CDK14: variants seen among roughly 807,000 people sequenced by gnomAD.
The protein encoded by CDK14 is cyclin dependent kinase 14.
A neutral mutation model predicts 60.7 loss-of-function variants in CDK14; 34 were observed. The observed-to-expected ratio is 0.56, with a 90% confidence interval of 0.43 to 0.75. The LOEUF is 0.75. Ranked by LOEUF, CDK14 falls within the 30% of genes least tolerant of loss-of-function variation. The pLI is 0.00. For missense variants in CDK14, 482 were observed against 564.1 expected (o/e 0.85, Z 1.47); for synonymous variants, 197 against 203.7 (o/e 0.97, Z 0.28).
chr7:90,674,685 C>G (rs1256560827), intron 2 of CDK14, among the ~76,000 whole-genome samples: 3 of 152,118 alleles, frequency 2.0e-5, no homozygotes, highest in African/African-American at 4.8e-5. Flanking sequence ...ATGTAAGCAT[C>G]TTTTTCCAAA....
At chr7:91,055,363 A>G (rs573676558) in intron 11 of CDK14, among the ~76,000 whole-genome samples, 1 of 152,354 alleles carries the variant, frequency 6.6e-6, no homozygotes, top group East Asian at 1.9e-4. Flanking sequence ...ATTTCAGTAC[A>G]AAGGAGGGAC....
At chr7:90,758,919 G>A (rs1804197901) in intron 4 of CDK14, among the ~76,000 whole-genome samples, 1 of 152,192 alleles carries the variant, frequency 6.6e-6, no homozygotes, top group African/African-American at 2.4e-5. Flanking sequence ...AGCTGGGTGT[G>A]GTGGCATGCA....
intron 5 of CDK14, among the ~76,000 whole-genome samples, chr7:90,793,730 A>G (rs1805927168): frequency 6.6e-6 from 1 of 152,080 alleles, no homozygotes; most frequent in Non-Finnish European, 1.5e-5. Context: ...CTTAATACAG[A>G]GGGAGGCAAA....
chr7:90,749,775 G>C (rs751008617), intron 4 of CDK14, among the ~76,000 whole-genome samples: 1 of 152,142 alleles, frequency 6.6e-6, no homozygotes, highest in Non-Finnish European at 1.5e-5. Flanking sequence ...GCACACTCTG[G>C]GTGCTTGGTG....
At chr7:90,720,269 A>G (rs1802399442) in intron 2 of CDK14, among the ~76,000 whole-genome samples, 1 of 152,174 alleles carries the variant, frequency 6.6e-6, no homozygotes, top group South Asian at 2.1e-4. Context: ...GGTGGGATTT[A>G]ATCAACAAGT....
Position 90,596,644 on chromosome 7 carries a change from A to G in CDK14, c.17A>G (p.Glu6Gly). The G allele has an allele frequency of 6.2e-7, 1 of 1,612,040 alleles. No individual in the cohort carries two copies. Residue 6 changes from glutamate to glycine, a missense_variant, in exon 1 of 15, where the codon GAG becomes GGG. Transcript: ENST00000380050. MCDLI[E>G]PQPAEKIGKM... is the part of the protein sequence containing the mutation. ...GTCGCCCAGATGTGTGACCTCATTG[A>G]GCCGCAGCCGGCCGAGAAGATCGGC...
At chr7:90,660,291 ATATCTATTTACTAACTCAAG>A (rs1219481883) in intron 2 of CDK14, among the ~76,000 whole-genome samples, 4 of 152,114 alleles carry the variant, frequency 2.6e-5, no homozygotes, top group East Asian at 3.9e-4. Flanking sequence ...GCTAACTCAA[ATATCTATTTACTAACTCAAG>A]TATCTATTTA....
chr7:91,094,645 T>C (rs1405501067), intron 12 of CDK14, among the ~76,000 whole-genome samples: 1 of 152,216 alleles, frequency 6.6e-6, no homozygotes, highest in Non-Finnish European at 1.5e-5. Flanking sequence ...GAAGTACCTG[T>C]CTCATTTGCC....
In CDK14 at chr7:90,612,387, T is replaced by C. The variant is rs182783988; in HGVS notation, c.123+8138T>C. On this transcript the variant is annotated intron_variant, in intron 2 of 14. Transcript: ENST00000380050. ...GGTCTCAGCCTGACTCTTGATCTAG[T>C]TCAGCCTCACAGGCATTTATGGGTT... 6.7e-4 allele frequency among the ~76,000 whole-genome samples: 102 copies of C among 152,266 alleles called. No individual in the cohort carries two copies. In the Middle Eastern group the frequency reaches 0.014, roughly 20 times the overall value.
intron 2 of CDK14, among the ~76,000 whole-genome samples, chr7:90,665,081 A>G (rs1800947330): frequency 6.6e-6 from 1 of 152,062 alleles, no homozygotes; most frequent in African/African-American, 2.4e-5. Context: ...GGAGTTCGAG[A>G]CCAGCCTGGC....
At chr7:91,127,454 A>G (rs1799986866) in intron 14 of CDK14, among the ~76,000 whole-genome samples, 1 of 152,280 alleles carries the variant, frequency 6.6e-6, no homozygotes, top group East Asian at 1.9e-4. Flanking sequence ...AGACTAGCTT[A>G]GTTGCATACT....
At chr7:90,950,223 C>T (rs62468477) in intron 8 of CDK14, among the ~76,000 whole-genome samples, 22 of 152,002 alleles carry the variant, frequency 1.4e-4, no homozygotes, top group African/African-American at 3.6e-4. Context: ...ATTACAGGCG[C>T]GTGCCACCAT....
At chr7:90,889,960 T>C (rs1792062635) in intron 6 of CDK14, among the ~76,000 whole-genome samples, 1 of 152,232 alleles carries the variant, frequency 6.6e-6, no homozygotes, top group Non-Finnish European at 1.5e-5. Flanking sequence ...TTTTTACTGG[T>C]TCATGAATGG....
At chr7:90,816,344 C>A (rs12674203) in intron 5 of CDK14, among the ~76,000 whole-genome samples, 19 of 152,170 alleles carry the variant, frequency 1.2e-4, no homozygotes, top group African/African-American at 4.3e-4. Flanking sequence ...TGGGTTGCTC[C>A]TGAAAGTTTT....
intron 2 of CDK14, among the ~76,000 whole-genome samples, chr7:90,707,046 G>A (rs900792788): frequency 5.3e-5 from 8 of 152,064 alleles, no homozygotes; most frequent in African/African-American, 1.9e-4. Flanking sequence ...GCCCAGCTCT[G>A]TTTCTAGGAA....
At chr7:91,179,464 C>A (rs916967816) in intron 14 of CDK14, among the ~76,000 whole-genome samples, 2 of 150,758 alleles carry the variant, frequency 1.3e-5, no homozygotes, top group African/African-American at 4.9e-5. Flanking sequence ...TGTAACTAAC[C>A]TGCACGATGT....
At chr7:90,732,056 T>C (rs765428706) in intron 3 of CDK14, among the ~76,000 whole-genome samples, 9 of 152,210 alleles carry the variant, frequency 5.9e-5, no homozygotes, top group Non-Finnish European at 1.3e-4. Context: ...TGAGGGGCTG[T>C]TGAATTTTGT....
chr7:90,782,993 T>G (rs1805410134), intron 4 of CDK14, among the ~76,000 whole-genome samples: 1 of 152,150 alleles, frequency 6.6e-6, no homozygotes, highest in South Asian at 2.1e-4. Context: ...AATTGCAAGA[T>G]GATAAGACCC....
At chr7:90,649,009 TATTTA>T (rs1800528085) in intron 2 of CDK14, among the ~76,000 whole-genome samples, 1 of 152,190 alleles carries the variant, frequency 6.6e-6, no homozygotes, top group South Asian at 2.1e-4. Flanking sequence ...CTGTGCTGGC[TATTTA>T]ATTGTGGTTT....
Sources: allele counts gnomAD v4.1 joint callset (sites outside exome capture counted in the v4.1 genomes callset), GRCh38; gene constraint gnomAD v4.1.1; transcripts MANE v1.5; gene names NCBI Gene and HGNC (gene_info 2026-07-23, HGNC 2026-07-21).